Variants in NKAIN2 observed in about 807,000 individuals in gnomAD.
NKAIN2 encodes sodium/potassium-transporting ATPase subunit beta-1-interacting protein 2.
Under a neutral mutation model 32.6 loss-of-function variants are expected in NKAIN2, and 14 were observed. That is an observed-to-expected ratio of 0.43 (90% CI 0.28 to 0.67). The LOEUF is 0.67. Ranked by LOEUF, NKAIN2 falls within the 30% of genes least tolerant of loss-of-function variation. The probability of loss-of-function intolerance (pLI) is 0.17; values close to 1 mark genes in which losing one functional copy is unlikely to be tolerated. For missense variants in NKAIN2, 198 were observed against 258.3 expected (o/e 0.77, Z 1.60); for synonymous variants, 80 against 87.2 (o/e 0.92, Z 0.46).
chr6:124,182,390 A>T (rs2114548594), intron 1 of NKAIN2, among the ~76,000 whole-genome samples: 1 of 152,336 alleles, frequency 6.6e-6, no homozygotes, highest in East Asian at 1.9e-4. Flanking sequence ...ACAAGTCATT[A>T]TGAGTTACTT....
chr6:124,103,063 T>C (rs1784964493), intron 1 of NKAIN2, among the ~76,000 whole-genome samples: 1 of 152,150 alleles, frequency 6.6e-6, no homozygotes, highest in Non-Finnish European at 1.5e-5. Context: ...TCCATATAAG[T>C]TTTTTTGTGA....
At chr6:123,931,305 T>C (rs1344312621) in intron 1 of NKAIN2, among the ~76,000 whole-genome samples, 1 of 152,202 alleles carries the variant, frequency 6.6e-6, no homozygotes, top group African/African-American at 2.4e-5. Flanking sequence ...TTGGTCCCTT[T>C]TTTTACCCTT....
intron 4 of NKAIN2, among the ~76,000 whole-genome samples, chr6:124,738,707 C>G (rs1169770242): frequency 6.6e-6 from 1 of 151,752 alleles, no homozygotes; most frequent in Non-Finnish European, 1.5e-5. Flanking sequence ...GAGCAGTTAC[C>G]AGAAGACCTT....
chr6:124,123,691 C>T (rs1217106025), intron 1 of NKAIN2, among the ~76,000 whole-genome samples: 2 of 152,054 alleles, frequency 1.3e-5, no homozygotes, highest in Non-Finnish European at 2.9e-5. Context: ...CTCATAATGA[C>T]TTTGTGGTCT....
intron 1 of NKAIN2, among the ~76,000 whole-genome samples, chr6:124,200,078 G>A (rs1310598407): frequency 3.3e-5 from 5 of 152,034 alleles, no homozygotes; most frequent in East Asian, 1.9e-4. Context: ...CATGAACCCA[G>A]ATTTAAATTT....
intron 4 of NKAIN2, among the ~76,000 whole-genome samples, chr6:124,750,959 T>C (rs1451647674): frequency 6.6e-6 from 1 of 152,040 alleles, no homozygotes; most frequent in Admixed American, 6.6e-5. Context: ...ATTTAGGGTT[T>C]CTGGATAGAG....
intron 3 of NKAIN2, among the ~76,000 whole-genome samples, chr6:124,358,712 T>C (rs1799113000): frequency 6.6e-6 from 1 of 151,950 alleles, no homozygotes; most frequent in Non-Finnish European, 1.5e-5. Flanking sequence ...TTTTCTCCCA[T>C]GTTGTAGGTT....
At chr6:123,993,612 ATAGT>A (rs1779500685) in intron 1 of NKAIN2, among the ~76,000 whole-genome samples, 1 of 152,290 alleles carries the variant, frequency 6.6e-6, no homozygotes, top group Admixed American at 6.5e-5. Context: ...TGAGAGCCCA[ATAGT>A]TAGTTATTTT....
chr6:124,668,094 T>C (rs964828465), intron 4 of NKAIN2, among the ~76,000 whole-genome samples: 45 of 152,296 alleles, frequency 3.0e-4, no homozygotes, highest in African/African-American at 1.1e-3. Context: ...TTCATTTTGT[T>C]AGACTCCTAT....
chr6:124,232,291 T>C (rs376605754), intron 1 of NKAIN2, among the ~76,000 whole-genome samples: 12 of 152,260 alleles, frequency 7.9e-5, no homozygotes, highest in African/African-American at 2.9e-4. Flanking sequence ...ATAAAATTAC[T>C]TGATTAGAAA....
rs1255881018 is a variant in NKAIN2 at position 124,805,269 on chromosome 6, G to A, written c.536-13118G>A. Among the ~76,000 whole-genome samples the A allele has an allele frequency of 3.9e-5, 6 of 152,252 alleles. No homozygotes were observed. In the South Asian group the frequency reaches 6.2e-4, roughly 16 times the overall value. ...GTAGGGGCAGACTGACATCTCACAC[G>A]GCCGGGTACTCCTCTGAGACAAAAC... is the stretch of plus-strand genomic sequence containing the variant. On this transcript the variant is annotated intron_variant, in intron 5 of 6. Transcript: ENST00000368417.
chr6:124,426,344 G>C (rs1205692096), intron 3 of NKAIN2, among the ~76,000 whole-genome samples: 1 of 152,070 alleles, frequency 6.6e-6, no homozygotes, highest in African/African-American at 2.4e-5. Flanking sequence ...TGACTTTACT[G>C]ATACTAAAAC....
chr6:124,157,517 T>C lies in NKAIN2; in HGVS notation c.55-125488T>C, dbSNP rs139229962. On this transcript the variant is annotated intron_variant, in intron 1 of 6. Coordinates refer to ENST00000368417, the MANE Select transcript of NKAIN2 (RefSeq NM_001040214.3). The stretch of plus-strand genomic sequence containing the variant: ...TGTTTTCACATTGACCTGGGAGCCA[T>C]TGTTGAAATTAAAAAACCTCAACCT... Among the ~76,000 whole-genome samples the C allele has an allele frequency of 6.0e-3, 907 of 152,280 alleles. 8 individuals are homozygous for C. Among genetic ancestry groups the C allele is most frequent in the African/African-American group, 0.021 (878 of 41,558 alleles).
chr6:124,382,506 A>C (rs916625543), intron 3 of NKAIN2, among the ~76,000 whole-genome samples: 5 of 152,114 alleles, frequency 3.3e-5, no homozygotes, highest in African/African-American at 7.2e-5. Flanking sequence ...GGCCTTTTCC[A>C]ATCTGCTCAA....
chr6:124,210,621 T>C (rs768053482), intron 1 of NKAIN2, among the ~76,000 whole-genome samples: 1 of 151,868 alleles, frequency 6.6e-6, no homozygotes, highest in African/African-American at 2.4e-5. Context: ...TTTTACAGTT[T>C]TCATTATAGG....
intron 3 of NKAIN2, among the ~76,000 whole-genome samples, chr6:124,654,950 T>C (rs995307255): frequency 1.3e-5 from 2 of 152,102 alleles, no homozygotes; most frequent in Non-Finnish European, 2.9e-5. Context: ...ACCCTATTTG[T>C]GGTACTTTGT....
chr6:124,457,490 A>G (rs184247061), intron 3 of NKAIN2, among the ~76,000 whole-genome samples: 1 of 152,052 alleles, frequency 6.6e-6, no homozygotes, highest in Admixed American at 6.6e-5. Context: ...CTCTAACCAC[A>G]TATCCTTTTG....
chr6:124,014,686 A>T (rs907708833), intron 1 of NKAIN2, among the ~76,000 whole-genome samples: 3 of 152,070 alleles, frequency 2.0e-5, no homozygotes, highest in African/African-American at 7.2e-5. Flanking sequence ...GAAAATAAAG[A>T]TAAGTATAAA....
intron 3 of NKAIN2, among the ~76,000 whole-genome samples, chr6:124,521,777 T>C (rs1309909356): frequency 2.6e-5 from 4 of 152,150 alleles, no homozygotes; most frequent in African/African-American, 7.2e-5. Flanking sequence ...ATGTGTTCAG[T>C]TGTAATGAGT....
Sources: gnomAD v4.1 joint callset for allele counts (sites outside exome capture counted in the v4.1 genomes callset) on GRCh38, gnomAD v4.1.1 for gene constraint, MANE v1.5 for transcripts, NCBI Gene and HGNC (gene_info 2026-07-23, HGNC 2026-07-21) for gene names.